Variants in VCL observed in about 807,000 individuals in gnomAD.
VCL encodes the protein epididymis luminal protein 114.
A neutral mutation model predicts 125.7 loss-of-function variants in VCL; 47 were observed. The observed-to-expected ratio is 0.37, with a 90% CI of 0.30 to 0.48. VCL has a LOEUF of 0.48. Among genes scored for constraint, VCL ranks in the 20% least tolerant of loss-of-function variants. The pLI is 0.99. For synonymous variants in VCL, 458 were observed against 514.6 expected, an observed-to-expected ratio of 0.89 and a Z score of 1.49; for missense variants, 1,069 against 1,455.5, an observed-to-expected ratio of 0.73 and a Z score of 4.32.
chr10:73,998,126 C>T lies in VCL; in HGVS notation c.-82C>T, dbSNP rs1840149156. The stretch of plus-strand genomic sequence containing the variant: ...AAGCCCCGACTCCGTAGTCGCTGCA[C>T]AGTCTGTCTCTTCGCCGGTTCCCGG... On this transcript the variant is annotated 5_prime_UTR_variant, in exon 1 of 22. Coordinates refer to ENST00000211998, the MANE Select transcript of VCL (RefSeq NM_014000.3). 3 of 1,560,312 alleles carry T rather than the reference C, an allele frequency of 1.9e-6. No individual in the cohort carries two copies. Among genetic ancestry groups the T allele is most frequent in the Admixed American group, 1.9e-5 (1 of 53,594 alleles).
chr10:74,011,187 A>T (rs950699289), intron 1 of VCL, among the ~76,000 whole-genome samples: 6 of 151,740 alleles, frequency 4.0e-5, no homozygotes, highest in African/African-American at 1.5e-4. Flanking sequence ...AAAAAAAAAA[A>T]AAAAGACACG....
chr10:74,072,894 T>A, intron 5 of VCL, 42 bp downstream of exon 5: 1 of 1,613,658 alleles, frequency 6.2e-7, no homozygotes, highest in Non-Finnish European at 8.5e-7. Context: ...GGGAAAAATG[T>A]TAGCATGTTC....
In VCL at chr10:74,118,341, A is replaced by G. The variant is rs1406551711; in HGVS notation, c.*172A>G. ...TAGAAGACATTTATACTCTTTTTTCATGGACACTTTGAAATGTGTTTCTGT... is the reference window on the plus strand; with the variant it reads ...TAGAAGACATTTATACTCTTTTTTCGTGGACACTTTGAAATGTGTTTCTGT... On this transcript the variant is annotated 3_prime_UTR_variant, in exon 22 of 22. Transcript: ENST00000211998. 3.8e-6 allele frequency: 3 copies of G among 781,048 alleles called. No homozygotes were observed. Among genetic ancestry groups the G allele is most frequent in the Non-Finnish European group, 6.4e-6 (3 of 470,948 alleles). 48.4% of individuals were successfully genotyped at this position (781,048 alleles called of 1,614,324 possible).
chr10:74,110,569 G>C (rs1045218713), intron 18 of VCL, among the ~76,000 whole-genome samples: 8 of 152,196 alleles, frequency 5.3e-5, no homozygotes, highest in African/African-American at 1.9e-4. Flanking sequence ...CAGTGAGCTG[G>C]CTTTTCTTCT....
Position 74,071,736 on chromosome 10 carries a change from A to G in VCL, c.499+653A>G, listed in dbSNP as rs1841666941. 6.6e-6 allele frequency among the ~76,000 whole-genome samples: 1 copy of G among 152,218 alleles called. No homozygotes were observed. Among genetic ancestry groups the G allele is most frequent in the African/African-American group, 2.4e-5 (1 of 41,452 alleles). On this transcript the variant is annotated intron_variant, in intron 4 of 21. Transcript: ENST00000211998. This position sits in a 1 kb window ranked among gnomAD's most constrained non-coding sequence, Gnocchi z 4.1. The stretch of plus-strand genomic sequence containing the variant: ...TGCTTAACTTGATTGTTATCACTTT[A>G]TAAAATTCATTTGTTTTATGTGAAA...
chr10:74,018,344 C>T (rs2136231869), intron 1 of VCL, among the ~76,000 whole-genome samples: 1 of 151,864 alleles, frequency 6.6e-6, no homozygotes, highest in African/African-American at 2.4e-5. Flanking sequence ...AGGTGTAAGC[C>T]ACCGTGCCCA....
At chr10:74,120,566 G>A, downstream of VCL, 1 of 152,520 alleles carries the variant, frequency 6.6e-6, no homozygotes, top group Non-Finnish European at 1.5e-5. Context: ...TGCCCAGGCT[G>A]CAGTGCAGTG....
chr10:74,034,270 G>A (rs1195525037), intron 1 of VCL, among the ~76,000 whole-genome samples: 1 of 152,118 alleles, frequency 6.6e-6, no homozygotes, highest in Non-Finnish European at 1.5e-5. Flanking sequence ...GGCCCTCCAT[G>A]ATGTGGCCCC....
Position 74,101,102 on chromosome 10 carries a change from G to T in VCL, c.2022+5G>T, listed in dbSNP as rs1050797785. The T allele has an allele frequency of 1.8e-5, 29 of 1,612,208 alleles. No individual in the cohort carries two copies. The highest frequency in any genetic ancestry group is 2.5e-5 in the Non-Finnish European group (29 of 1,179,084). On this transcript the variant is annotated splice_donor_5th_base_variant and intron_variant, in intron 14 of 21. Coordinates refer to ENST00000211998, the MANE Select transcript of VCL (RefSeq NM_014000.3). ...GCCCGAGAACTCACACCCCAGGTTGGGTTTTGCTCATTCCTCATACAGTGT... is the reference window on the plus strand; with the variant it reads ...GCCCGAGAACTCACACCCCAGGTTGTGTTTTGCTCATTCCTCATACAGTGT...
chr10:74,082,638 G>C, intron 7 of VCL, 94 bp downstream of exon 7: 2 of 1,301,352 alleles, frequency 1.5e-6, no homozygotes, highest in Non-Finnish European at 1.1e-6. Context: ...CTCATCATCT[G>C]AGAGAACTAC....
chr10:74,109,259 T>G (rs1840184015), intron 18 of VCL, 103 bp downstream of exon 18: 1 of 1,441,772 alleles, frequency 6.9e-7, no homozygotes, highest in Non-Finnish European at 9.6e-7. Flanking sequence ...TCACCCTCTC[T>G]CTCTCCTTTG....
intron 1 of VCL, among the ~76,000 whole-genome samples, chr10:74,010,324 A>G (rs1391881795): frequency 1.3e-5 from 2 of 152,214 alleles, no homozygotes; most frequent in Admixed American, 6.5e-5. Context: ...TTATCAAAGT[A>G]TTTTAGTTTT....
In VCL at chr10:74,012,800, C is replaced by A. The variant is rs908328675; in HGVS notation, c.168+14425C>A. ...GTGCTTCCTGTTGGCCTTCCTTCTG[C>A]CTGATGTACTCTTCTGTAGTTCTTT... is the stretch of plus-strand genomic sequence containing the variant. On this transcript the variant is annotated intron_variant, in intron 1 of 21. Coordinates refer to ENST00000211998, the MANE Select transcript of VCL (RefSeq NM_014000.3). 1.2e-4 allele frequency among the ~76,000 whole-genome samples: 19 copies of A among 152,240 alleles called. No individual in the cohort carries two copies. The South Asian group carries it at 2.3e-3, about 18-fold the overall frequency.
chr10:74,031,776 C>T (rs184966227), intron 1 of VCL, among the ~76,000 whole-genome samples: 71 of 151,726 alleles, frequency 4.7e-4, no homozygotes, highest in Admixed American at 2.0e-3. Context: ...AAAAATTAGC[C>T]GAGTGTGGCC....
At chr10:74,112,778 T>C (rs2131938095) in intron 19 of VCL, among the ~76,000 whole-genome samples, 1 of 151,854 alleles carries the variant, frequency 6.6e-6, no homozygotes, top group Admixed American at 6.6e-5. Context: ...GTTTGGAGAG[T>C]AGGGTGATTG....
chr10:74,024,472 A>G (rs1352462540), intron 1 of VCL, among the ~76,000 whole-genome samples: 2 of 152,068 alleles, frequency 1.3e-5, no homozygotes, highest in African/African-American at 2.4e-5. Context: ...TTAGCCGGGC[A>G]TGGTGGCAGG....
chr10:74,084,801 G>A (rs11599181), intron 8 of VCL, among the ~76,000 whole-genome samples: 20,772 of 148,814 alleles, frequency 0.14, 1,575 homozygotes, highest in East Asian at 0.22. Flanking sequence ...TAGTAGAGAC[G>A]GGGTTTCTCC....
intron 2 of VCL, among the ~76,000 whole-genome samples, chr10:74,044,683 G>A (rs927580751): frequency 2.0e-5 from 3 of 152,138 alleles, no homozygotes; most frequent in Non-Finnish European, 4.4e-5. Context: ...AAAGATACTC[G>A]TCCACATGCA....
At chr10:74,052,393 T>C (rs1841316683) in intron 2 of VCL, among the ~76,000 whole-genome samples, 2 of 150,214 alleles carry the variant, frequency 1.3e-5, no homozygotes, top group Admixed American at 1.3e-4. Context: ...TTTTTTTTTT[T>C]TGAGACGGAG....
Sources: allele counts gnomAD v4.1 joint callset (sites outside exome capture counted in the v4.1 genomes callset), GRCh38; gene constraint gnomAD v4.1.1; non-coding constraint Gnocchi (gnomAD v3.1); transcripts MANE v1.5; gene names NCBI Gene and HGNC (gene_info 2026-07-23, HGNC 2026-07-21).